Variants in RALYL observed in about 807,000 individuals in gnomAD.
The protein encoded by RALYL is RNA-binding Raly-like protein.
A neutral mutation model predicts 35.1 loss-of-function variants in RALYL; 29 were observed. The ratio of observed to expected loss-of-function variants is 0.83; its 90% CI spans 0.61 to 1.13. The LOEUF is 1.13. RALYL is among the 50% of genes most tolerant of loss of function. RALYL has a pLI of 0.00. For missense variants in RALYL, 359 were observed against 360.4 expected (o/e 1.00, Z 0.03); for synonymous variants, 120 against 127.6 (o/e 0.94, Z 0.40).
chr8:84,672,006 A>G (rs893257060), intron 2 of RALYL, among the ~76,000 whole-genome samples: 1 of 152,270 alleles, frequency 6.6e-6, no homozygotes, highest in Non-Finnish European at 1.5e-5. Context: ...CATTCCAAAC[A>G]TTTTAAATGT....
intron 1 of RALYL, among the ~76,000 whole-genome samples, chr8:84,379,136 C>A (rs1050663689): frequency 1.1e-4 from 17 of 151,866 alleles, no homozygotes; most frequent in African/African-American, 3.4e-4. Flanking sequence ...TTGAGCAGAA[C>A]ATTTAAATAA....
intron 1 of RALYL, among the ~76,000 whole-genome samples, chr8:84,412,866 C>A (rs1306813272): frequency 6.6e-6 from 1 of 151,742 alleles, no homozygotes; most frequent in African/African-American, 2.4e-5. Context: ...ACATTTTGAC[C>A]TGAAATTCCA....
At chr8:84,611,048 G>A (rs551510010) in intron 2 of RALYL, among the ~76,000 whole-genome samples, 1 of 152,088 alleles carries the variant, frequency 6.6e-6, no homozygotes, top group Non-Finnish European at 1.5e-5. Flanking sequence ...TGGACACTAG[G>A]CATGCTTGTT....
intron 2 of RALYL, among the ~76,000 whole-genome samples, chr8:84,596,057 A>G (rs990172898): frequency 7.2e-5 from 11 of 152,270 alleles, no homozygotes; most frequent in African/African-American, 2.2e-4. Flanking sequence ...TAGATATTCT[A>G]TGAGTTTACT....
chr8:84,551,442 A>G (rs569072172), intron 2 of RALYL, among the ~76,000 whole-genome samples: 9 of 152,142 alleles, frequency 5.9e-5, no homozygotes, highest in Non-Finnish European at 1.2e-4. Context: ...TAGATGTGCT[A>G]GATGAAGATG....
chr8:84,494,087 G>GT (rs2055689237), intron 1 of RALYL, among the ~76,000 whole-genome samples: 1 of 152,088 alleles, frequency 6.6e-6, no homozygotes, highest in African/African-American at 2.4e-5. Context: ...TGTATAAAGT[G>GT]TAAGGAATGG....
chr8:84,403,234 C>G (rs991538861), intron 1 of RALYL, among the ~76,000 whole-genome samples: 12 of 152,086 alleles, frequency 7.9e-5, no homozygotes, highest in Admixed American at 7.9e-4. Flanking sequence ...AGTCTTTGCC[C>G]ATTCCTACGT....
intron 4 of RALYL, among the ~76,000 whole-genome samples, chr8:84,822,459 T>C (rs1302042638): frequency 2.0e-5 from 3 of 152,178 alleles, no homozygotes; most frequent in Non-Finnish European, 4.4e-5. Flanking sequence ...AGCTGTCTAA[T>C]TTCATTAAGT....
chr8:84,346,410 G>T (rs1451671020), intron 1 of RALYL, among the ~76,000 whole-genome samples: 2 of 152,134 alleles, frequency 1.3e-5, no homozygotes, highest in African/African-American at 4.8e-5. Context: ...AAATACATAT[G>T]TATTGCATGA....
chr8:84,881,968 A>T (rs1409195248), intron 7 of RALYL, among the ~76,000 whole-genome samples: 4 of 151,984 alleles, frequency 2.6e-5, no homozygotes, highest in African/African-American at 9.7e-5. Flanking sequence ...CTGTGTGACC[A>T]TGAGCACTTA....
At chr8:84,731,129 ACT>A (rs1473478940) in intron 2 of RALYL, among the ~76,000 whole-genome samples, 1 of 152,038 alleles carries the variant, frequency 6.6e-6, no homozygotes, top group Non-Finnish European at 1.5e-5. Flanking sequence ...TTTTATGATA[ACT>A]CTATGCATTA....
rs577045560 is a variant in RALYL at position 84,855,413 on chromosome 8, ACTT to A, written c.413+5390_413+5392del. ...CCCTTAGATAGTTTTAGCTTAGAAA[ACTT>A]CTTTACACAATGTTCCACCTTACTG... On this transcript the variant is annotated intron_variant, in intron 5 of 8. Transcript: ENST00000521268. 6.6e-5 allele frequency among the ~76,000 whole-genome samples: 10 copies of A among 152,222 alleles called. No homozygotes were observed. The South Asian group carries it at 1.7e-3, about 25-fold the overall frequency.
At position 84,694,044 on chromosome 8, in the gene RALYL, A is replaced by G. The variant is rs138914721; in HGVS notation, c.257-80535A>G. Among the ~76,000 whole-genome samples, 602 of 151,970 alleles carry G rather than the reference A, an allele frequency of 4.0e-3. 6 individuals are homozygous for G. The highest frequency in any genetic ancestry group is 0.013 in the African/African-American group (552 of 41,536). Reference sequence around the variant, plus strand: ...ATGGTGGAAAGTTGAAAGTTCTTCTATGATTAGGAACAAGAACCCCACTCT... The same window carrying G: ...ATGGTGGAAAGTTGAAAGTTCTTCTGTGATTAGGAACAAGAACCCCACTCT... On this transcript the variant is annotated intron_variant, in intron 2 of 8. Transcript: ENST00000521268.
At chr8:84,416,317 A>C (rs1160371336) in intron 1 of RALYL, among the ~76,000 whole-genome samples, 3 of 152,146 alleles carry the variant, frequency 2.0e-5, no homozygotes, top group Non-Finnish European at 4.4e-5. Context: ...ATAATCATAA[A>C]ATTTACTGTG....
In RALYL at chr8:84,389,975, TG is replaced by T. The variant is rs752297237; in HGVS notation, c.-23-139321del. Reference sequence around the variant, plus strand: ...TGCCCATTCAGTATGATATTGGCTGTGGGTTTGTCATAGATAGCTCTTATTA... The same window carrying T: ...TGCCCATTCAGTATGATATTGGCTGTGGTTTGTCATAGATAGCTCTTATTA... On this transcript the variant is annotated intron_variant, in intron 1 of 8. Coordinates refer to ENST00000521268, the MANE Select transcript of RALYL (RefSeq NM_173848.7). Among the ~76,000 whole-genome samples, 229 of 152,036 alleles carry T rather than the reference TG, an allele frequency of 1.5e-3. 2 individuals carry two copies. The highest frequency in any genetic ancestry group is 4.5e-3 in the African/African-American group (186 of 41,468).
intron 2 of RALYL, among the ~76,000 whole-genome samples, chr8:84,560,331 G>A (rs550520127): frequency 6.6e-6 from 1 of 151,852 alleles, no homozygotes; most frequent in South Asian, 2.1e-4. Context: ...ATCAAAAGAA[G>A]GTGAAGTAGA....
chr8:84,671,191 C>G (rs910448956), intron 2 of RALYL, among the ~76,000 whole-genome samples: 3 of 152,168 alleles, frequency 2.0e-5, no homozygotes, highest in African/African-American at 7.2e-5. Flanking sequence ...ACATCCAGGT[C>G]ATGCTGATGC....
chr8:84,188,099 T>C (rs1387071900), intron 1 of RALYL, among the ~76,000 whole-genome samples: 2 of 152,074 alleles, frequency 1.3e-5, no homozygotes, highest in Admixed American at 1.3e-4. Context: ...TAGTTGTTTA[T>C]TTTTATTTTT....
chr8:84,620,280 G>T (rs1383647899), intron 2 of RALYL, among the ~76,000 whole-genome samples: 1 of 144,122 alleles, frequency 6.9e-6, no homozygotes, highest in Non-Finnish European at 1.5e-5. Flanking sequence ...TTTCTTGGAG[G>T]CTTTGCTCAT....
Sources: gnomAD v4.1 joint callset for allele counts (sites outside exome capture counted in the v4.1 genomes callset) on GRCh38, gnomAD v4.1.1 for gene constraint, MANE v1.5 for transcripts, NCBI Gene and HGNC (gene_info 2026-07-23, HGNC 2026-07-21) for gene names.